The following ZNF469 variants were observed in gnomAD, a reference collection of about 807,000 sequenced individuals.
ZNF469 encodes the protein zinc finger protein 469.
Under a neutral mutation model 1.0 loss-of-function variants are expected in ZNF469, and 1 was observed. That is an observed-to-expected ratio of 1.00 (90% CI 0.35 to 4.73). ZNF469 has a LOEUF of 4.73. Among genes scored for constraint, ZNF469 ranks in the 30% most tolerant of loss-of-function variants. ZNF469 has a pLI of 0.16. For synonymous variants in ZNF469, 2,703 were observed against 2,363.4 expected (o/e 1.14, Z -4.17); for missense variants, 6,100 against 5,356.3 (o/e 1.14, Z -4.33).
the ZNF469 span, among the ~76,000 whole-genome samples, chr16:88,333,332 C>T: frequency 2.6e-4 from 30 of 114,560 alleles, no homozygotes; most frequent in South Asian, 1.0e-3. Flanking sequence ...TGCTGAGTCA[C>T]GGAAGAGGGG....
At chr16:88,204,683 G>C in the ZNF469 span, among the ~76,000 whole-genome samples, 2 of 152,336 alleles carry the variant, frequency 1.3e-5, no homozygotes, top group East Asian at 3.9e-4. Flanking sequence ...CACACAGCCA[G>C]GGTGGGAGGT....
At chr16:88,193,242 G>A in the ZNF469 span, among the ~76,000 whole-genome samples, 4 of 146,616 alleles carry the variant, frequency 2.7e-5, no homozygotes, top group South Asian at 4.6e-4. Flanking sequence ...GGATGGTGGT[G>A]GTGGTGATGG....
chr16:88,330,650 C>A, the ZNF469 span, among the ~76,000 whole-genome samples: 63 of 152,282 alleles, frequency 4.1e-4, 1 homozygote, highest in South Asian at 0.012. Flanking sequence ...ATGGCCCACA[C>A]CCCTGCCTCA....
rs1216460720 is a variant in ZNF469, at chr16:88,429,594, G to T, written c.2124G>T (p.Ala708=). 1.3e-6 allele frequency: 2 copies of T among 1,549,340 alleles called. No individual in the cohort carries two copies. The highest frequency in any genetic ancestry group is 1.4e-5 in the African/African-American group (1 of 73,024). The change falls in exon 3 of 3, where the codon GCG becomes GCT. Residue 708 remains alanine (A), a synonymous_variant. Transcript: ENST00000565624. The part of the protein sequence containing the change: ...GRGGLQGFPR[A]PPPYPTHHFS... ...GAGGGCTGCAGGGCTTCCCCCGTGC[G>T]CCGCCTCCGTACCCCACACACCACT...
At chr16:88,239,326 A>T in the ZNF469 span, among the ~76,000 whole-genome samples, 1 of 152,196 alleles carries the variant, frequency 6.6e-6, no homozygotes, top group African/African-American at 2.4e-5. Flanking sequence ...GTTAAAAAGA[A>T]GATGAAGAAG....
chr16:88,343,607 T>C, the ZNF469 span, among the ~76,000 whole-genome samples: 15 of 152,240 alleles, frequency 9.9e-5, no homozygotes, highest in African/African-American at 3.4e-4. Context: ...GCTAAGGGCC[T>C]TCTTGCTGGT....
the ZNF469 span, among the ~76,000 whole-genome samples, chr16:88,253,038 A>G: frequency 2.0e-5 from 3 of 152,180 alleles, no homozygotes; most frequent in Admixed American, 1.3e-4. Flanking sequence ...TCAGTGGCTC[A>G]TTGCTTTTTA....
chr16:88,223,718 C>T, the ZNF469 span, among the ~76,000 whole-genome samples: 13 of 152,212 alleles, frequency 8.5e-5, no homozygotes, highest in African/African-American at 3.1e-4. Context: ...TGGCTGGGAC[C>T]GTGTGAAAGC....
chr16:88,189,505 C>G, the ZNF469 span, among the ~76,000 whole-genome samples: 1 of 152,198 alleles, frequency 6.6e-6, no homozygotes, highest in Non-Finnish European at 1.5e-5. The surrounding 1 kb of genome is among the most constrained non-coding windows in gnomAD (Gnocchi z 4.3). Context: ...GCACTGGGCA[C>G]GTTCATTTAT....
At chr16:88,263,753 G>C in the ZNF469 span, among the ~76,000 whole-genome samples, 1 of 152,154 alleles carries the variant, frequency 6.6e-6, no homozygotes, top group Non-Finnish European at 1.5e-5. Flanking sequence ...GGGCCCTGCA[G>C]ACACCGCCTC....
the ZNF469 span, among the ~76,000 whole-genome samples, chr16:88,162,345 A>ATG: frequency 1.4e-5 from 2 of 143,212 alleles, no homozygotes; most frequent in African/African-American, 5.3e-5. Flanking sequence ...AAAAGAAATA[A>ATG]TGAAAAAAGA....
chr16:88,336,617 C>T, the ZNF469 span, among the ~76,000 whole-genome samples: 9 of 152,204 alleles, frequency 5.9e-5, no homozygotes, highest in Middle Eastern at 3.4e-3. Flanking sequence ...TCATCCTTCA[C>T]GTGAGACACT....
chr16:88,297,496 A>T, the ZNF469 span, among the ~76,000 whole-genome samples: 1 of 152,128 alleles, frequency 6.6e-6, no homozygotes, highest in Non-Finnish European at 1.5e-5. Context: ...GGCCTGCCTC[A>T]CTGCCGCTGA....
chr16:88,433,034 A>G lies in ZNF469; in HGVS notation c.5564A>G (p.Asn1855Ser), dbSNP rs1196406851. Reference sequence around the variant, plus strand: ...GCAGGGAGGCCTGGCTTTGAGGGTAATGAGTTTGCACCGGCGGGGGCCTCC... The same window carrying G: ...GCAGGGAGGCCTGGCTTTGAGGGTAGTGAGTTTGCACCGGCGGGGGCCTCC... ...PTAGRPGFEGNEFAPAGASSL... is the reference protein window; with the variant it reads ...PTAGRPGFEGSEFAPAGASSL... The change falls in exon 3 of 3, where the codon AAT becomes AGT. Residue 1855 changes from asparagine (N) to serine (S), a missense_variant. Transcript: ENST00000565624. 5.2e-6 allele frequency: 8 copies of G among 1,550,140 alleles called. No homozygotes were observed. The highest frequency in any genetic ancestry group is 7.0e-6 in the Non-Finnish European group (8 of 1,146,952).
the ZNF469 span, among the ~76,000 whole-genome samples, chr16:88,215,383 A>ACTTTTTTTTTTTTTTTTTTTTTTTTTTT: frequency 2.1e-5 from 2 of 94,188 alleles, 1 homozygote. Flanking sequence ...TTGCCTTTTA[A>ACTTTTTTTTTTTTTTTTTTTTTTTTTTT]TTTTTTTTTT....
the ZNF469 span, among the ~76,000 whole-genome samples, chr16:88,103,264 C>G: frequency 1.3e-5 from 2 of 152,210 alleles, no homozygotes; most frequent in African/African-American, 4.8e-5. Flanking sequence ...GCTTCCTGGC[C>G]GCCCTTCGGC....
At chr16:88,215,613 C>A in the ZNF469 span, among the ~76,000 whole-genome samples, 1 of 151,982 alleles carries the variant, frequency 6.6e-6, no homozygotes, top group African/African-American at 2.4e-5. Flanking sequence ...TGGTCTCGAA[C>A]TCCTGACCTC....
chr16:88,132,133 G>A, the ZNF469 span, among the ~76,000 whole-genome samples: 9 of 152,212 alleles, frequency 5.9e-5, no homozygotes, highest in African/African-American at 2.2e-4. Flanking sequence ...TGTGGCCCCG[G>A]CCATACCGAT....
rs1475693103 is a variant in ZNF469 at position 88,437,332 on chromosome 16, C to T, written c.9862C>T (p.Pro3288Ser). Residue 3288 changes from proline to serine, a missense_variant, in exon 3 of 3, where the codon CCA becomes TCA. Physicochemically the swap from Pro to Ser is moderately conservative, Grantham distance 74. Transcript: ENST00000565624. ...TPSNPDGAAT[P>S]DSASATALAD... Reference sequence around the variant, plus strand: ...CAGCAACCCAGACGGGGCCGCGACCCCAGACAGCGCCTCTGCCACCGCCCT... The same window carrying T: ...CAGCAACCCAGACGGGGCCGCGACCTCAGACAGCGCCTCTGCCACCGCCCT... The T allele has an allele frequency of 6.5e-7, 1 of 1,546,156 alleles. No homozygotes were observed. The highest frequency in any genetic ancestry group is 8.7e-7 in the Non-Finnish European group (1 of 1,144,938).
Sources: allele counts gnomAD v4.1 joint callset (sites outside exome capture counted in the v4.1 genomes callset), GRCh38; gene constraint gnomAD v4.1.1; non-coding constraint Gnocchi (gnomAD v3.1); transcripts MANE v1.5; gene names NCBI Gene and HGNC (gene_info 2026-07-23, HGNC 2026-07-21).